PAPLN: variants seen among roughly 807,000 people sequenced by gnomAD.
PAPLN encodes the protein papilin, proteoglycan like sulfated glycoprotein.
PAPLN carries 146 observed loss-of-function variants against 159.0 expected under a neutral mutation model. That is an observed-to-expected ratio of 0.92 (90% confidence interval 0.80 to 1.05). PAPLN has a LOEUF of 1.05. Ranked by LOEUF, PAPLN falls within the 50% of genes least tolerant of loss-of-function variation. The probability of loss-of-function intolerance (pLI) is 0.00; values close to 1 mark genes in which losing one functional copy is unlikely to be tolerated. For missense variants in PAPLN, 1,720 were observed against 1,743.9 expected, an observed-to-expected ratio of 0.99 and a Z score of 0.24; for synonymous variants, 734 against 702.9, an observed-to-expected ratio of 1.04 and a Z score of -0.70.
chr14:73,242,033 C>T (rs984345748), intron 2 of PAPLN, among the ~76,000 whole-genome samples: 1 of 152,260 alleles, frequency 6.6e-6, no homozygotes, highest in East Asian at 1.9e-4. Flanking sequence ...CAGCTCATTC[C>T]GGCTTCACGC....
Position 73,265,367 on chromosome 14 carries a change from C to T in PAPLN, c.3126-3C>T, listed in dbSNP as rs1450437157. On this transcript the variant is annotated splice_polypyrimidine_tract_variant and splice_region_variant and intron_variant, in intron 22 of 26. Transcript: ENST00000644200. This position sits in a 1 kb window ranked among gnomAD's most constrained non-coding sequence, Gnocchi z 4.1. ...CTCATGCTGTGGGCTGCTTGTTTGG[C>T]AGGCTGCGTTTGGACCAGAACCAGC... The T allele has an allele frequency of 1.2e-6, 2 of 1,607,934 alleles. No homozygotes were observed. Among genetic ancestry groups the T allele is most frequent in the East Asian group, 2.2e-5 (1 of 44,872 alleles).
At chr14:73,258,274 G>A (rs1886152733) in intron 14 of PAPLN, among the ~76,000 whole-genome samples, 1 of 152,094 alleles carries the variant, frequency 6.6e-6, no homozygotes, top group Admixed American at 6.5e-5. Context: ...TTTCCCTGAT[G>A]ACTAATGATG....
chr14:73,240,600 G>A (rs1248907358), intron 2 of PAPLN, among the ~76,000 whole-genome samples: 1 of 151,966 alleles, frequency 6.6e-6, no homozygotes, highest in Admixed American at 6.5e-5. Flanking sequence ...GTGCCACCAC[G>A]CCTGGCCATA....
At chr14:73,261,444 C>A in intron 18 of PAPLN, 150 bp downstream of exon 18, 1 of 1,202,136 alleles carries the variant, frequency 8.3e-7, no homozygotes, top group Non-Finnish European at 1.1e-6. Context: ...GGTGCCAGGC[C>A]AGAGAGCAGT....
At chr14:73,259,241 C>CTG in intron 15 of PAPLN, 28 bp from the exon 16 acceptor site, 1 of 1,534,776 alleles carries the variant, frequency 6.5e-7, no homozygotes, top group Non-Finnish European at 8.8e-7. Flanking sequence ...GGTGGACGCA[C>CTG]TGTGTGTCTT....
chr14:73,252,181 T>A, intron 10 of PAPLN, 40 bp downstream of exon 10: 1 of 1,537,246 alleles, frequency 6.5e-7, no homozygotes, highest in Non-Finnish European at 8.8e-7. Context: ...ATGGGCCCTG[T>A]GTGCTGGATC....
At position 73,248,112 on chromosome 14, in the gene PAPLN, T is replaced by C. The variant is rs868366115; in HGVS notation, c.335-1872T>C. Among the ~76,000 whole-genome samples the C allele has an allele frequency of 7.6e-4, 80 of 105,088 alleles. 2 individuals carry two copies. The highest frequency in any genetic ancestry group is 4.3e-3 in the South Asian group (12 of 2,778). 68.9% of individuals were successfully genotyped at this position (105,088 alleles called of 152,430 possible). A position where few individuals can be genotyped will look rare whatever the true frequency, so the allele number is the denominator to read the frequency against. The stretch of plus-strand genomic sequence containing the variant: ...GTGTGTGTGTGTGTGTGTGTGCGCG[T>C]GTGTGTGTTGTGGGGATCGTGGCTG... On this transcript the variant is annotated intron_variant, in intron 5 of 26. Coordinates refer to ENST00000644200, the MANE Select transcript of PAPLN (RefSeq NM_001365906.3).
chr14:73,254,276 A>G (rs1412405661), intron 12 of PAPLN, among the ~76,000 whole-genome samples: 2 of 152,174 alleles, frequency 1.3e-5, no homozygotes, highest in African/African-American at 4.8e-5. Flanking sequence ...ACCTACGTAT[A>G]TTCAAGTTGC....
intron 10 of PAPLN, 139 bp from the exon 11 acceptor site, chr14:73,252,510 G>A: frequency 8.6e-7 from 1 of 1,167,974 alleles, no homozygotes; most frequent in Non-Finnish European, 1.2e-6. Flanking sequence ...TGGAGATGTG[G>A]TGGCACCTGC....
At chr14:73,261,700 G>A (rs746330661) in intron 18 of PAPLN, among the ~76,000 whole-genome samples, 23 of 152,348 alleles carry the variant, frequency 1.5e-4, no homozygotes, top group Non-Finnish European at 2.4e-4. Context: ...AGGGGTCAGG[G>A]AGGTCTTTGA....
intron 10 of PAPLN, among the ~76,000 whole-genome samples, 195 bp from the exon 11 acceptor site, chr14:73,252,454 T>C (rs780061797): frequency 1.3e-5 from 2 of 152,108 alleles, no homozygotes; most frequent in Non-Finnish European, 2.9e-5. Flanking sequence ...AGTAGGGCTC[T>C]CTCACAGCAA....
intron 25 of PAPLN, among the ~76,000 whole-genome samples, chr14:73,267,164 C>A (rs970153672): frequency 6.6e-6 from 1 of 152,148 alleles, no homozygotes; most frequent in Non-Finnish European, 1.5e-5. Context: ...GCCAGGGGCA[C>A]CCTCCCCAAA....
chr14:73,271,293 G>A lies in PAPLN; in HGVS notation c.3668-1202G>A, dbSNP rs937191133. Among the ~76,000 whole-genome samples the A allele has an allele frequency of 2.0e-5, 3 of 152,136 alleles. No homozygotes were observed. The East Asian group carries it at 5.8e-4, about 29-fold the overall frequency. ...TCTATATAAATTTAGGTAGGTAATA[G>A]TCTGGTTATACCAATATACCAAACG... On this transcript the variant is annotated intron_variant, in intron 26 of 26. Transcript: ENST00000644200.
chr14:73,258,866 G>A (rs1594811798), intron 14 of PAPLN, 113 bp from the exon 15 acceptor site: 1 of 989,348 alleles, frequency 1.0e-6, no homozygotes, highest in South Asian at 2.3e-5. Flanking sequence ...CGGGTTCCCA[G>A]GCCCTGCCTG....
intron 20 of PAPLN, 113 bp downstream of exon 20, chr14:73,263,895 C>T: frequency 2.4e-6 from 3 of 1,248,628 alleles, no homozygotes; most frequent in Non-Finnish European, 3.3e-6. Context: ...CAGACCCCCT[C>T]CTCCTTTGAC....
At chr14:73,247,981 C>A in intron 5 of PAPLN, among the ~76,000 whole-genome samples, 1 of 58,384 alleles carries the variant, frequency 1.7e-5, no homozygotes, top group Non-Finnish European at 3.1e-5. Flanking sequence ...AGTCTCATAT[C>A]CTCTGTGTGT....
At position 73,245,581 on chromosome 14, in the gene PAPLN, C is replaced by G; in HGVS notation, c.171-55C>G. 6.5e-7 allele frequency: 1 copy of G among 1,532,256 alleles called. No homozygotes were observed. The highest frequency in any genetic ancestry group is 8.8e-7 in the Non-Finnish European group (1 of 1,135,814). 94.9% of individuals were successfully genotyped at this position (1,532,256 alleles called of 1,614,324 possible). A position where few individuals can be genotyped will look rare whatever the true frequency, so the allele number is the denominator to read the frequency against. The stretch of plus-strand genomic sequence containing the variant: ...TTGGGGCCTGCAGAGAGCCCCAGAA[C>G]GGGGGCAGGGACGTTGGGTCTCGGT... On this transcript the variant is annotated intron_variant, in intron 3 of 26. Coordinates refer to ENST00000644200, the MANE Select transcript of PAPLN (RefSeq NM_001365906.3). This position sits in a 1 kb window ranked among gnomAD's most constrained non-coding sequence, Gnocchi z 4.2.
At chr14:73,251,394 C>A (rs1885236174) in intron 7 of PAPLN, 92 bp from the exon 8 acceptor site, 3 of 1,308,326 alleles carry the variant, frequency 2.3e-6, no homozygotes, top group Non-Finnish European at 3.2e-6. Context: ...TCCCTGCCCC[C>A]ATTCTGTGCT....
intron 1 of PAPLN, 100 bp from the exon 2 acceptor site, chr14:73,239,670 GTCA>G (rs1883318378): frequency 3.4e-6 from 5 of 1,487,732 alleles, no homozygotes; most frequent in Non-Finnish European, 4.5e-6. Context: ...GGGTCTCCTG[GTCA>G]CCTGTGGGCC....
Sources: gnomAD v4.1 joint callset for allele counts (sites outside exome capture counted in the v4.1 genomes callset) on GRCh38, gnomAD v4.1.1 for gene constraint, Gnocchi (gnomAD v3.1) non-coding constraint, MANE v1.5 for transcripts, NCBI Gene and HGNC (gene_info 2026-07-23, HGNC 2026-07-21) for gene names.